The following CACNB2 variants were observed in gnomAD, a reference collection of about 807,000 sequenced individuals.
The protein encoded by CACNB2 is voltage-dependent L-type calcium channel subunit beta-2.
Under a neutral mutation model 73.3 loss-of-function variants are expected in CACNB2, and 42 were observed. The ratio of observed to expected loss-of-function variants is 0.57; its 90% confidence interval spans 0.45 to 0.74. The LOEUF (loss-of-function observed/expected upper bound fraction) is 0.74, where lower values mean the gene tolerates loss of function less well. Ranked by LOEUF, CACNB2 falls within the 30% of genes least tolerant of loss-of-function variation. The pLI, the probability that CACNB2 is intolerant of heterozygous loss-of-function variation, is 0.00. For missense variants in CACNB2, 940 were observed against 853.0 expected, an observed-to-expected ratio of 1.10 and a Z score of -1.27; for synonymous variants, 348 against 310.3, an observed-to-expected ratio of 1.12 and a Z score of -1.28.
intron 2 of CACNB2, among the ~76,000 whole-genome samples, chr10:18,379,569 G>A (rs375669375): frequency 1.1e-4 from 16 of 152,088 alleles, no homozygotes; most frequent in East Asian, 7.8e-4. Context: ...TCACATTGTC[G>A]TACAACCATC....
At chr10:18,486,893 G>A (rs759429474) in intron 3 of CACNB2, among the ~76,000 whole-genome samples, 3 of 152,062 alleles carry the variant, frequency 2.0e-5, no homozygotes, top group South Asian at 2.1e-4. Context: ...AATCGAGGAC[G>A]TGGACGTGGA....
rs185747274 is a variant in CACNB2, at chr10:18,146,546, C to T, written c.121-4337C>T. Reference sequence around the variant, plus strand: ...AGGCTGGAGTGCAGTGGCGTGATCTCGGCTCACTGCAACCTCCACCTCCTG... The same window carrying T: ...AGGCTGGAGTGCAGTGGCGTGATCTTGGCTCACTGCAACCTCCACCTCCTG... On this transcript the variant is annotated intron_variant, in intron 1 of 13. Coordinates refer to ENST00000324631, the MANE Select transcript of CACNB2 (RefSeq NM_201596.3). Among the ~76,000 whole-genome samples the T allele has an allele frequency of 3.6e-3, 543 of 151,646 alleles. 4 individuals carry two copies. The highest frequency in any genetic ancestry group is 5.9e-3 in the Non-Finnish European group (403 of 67,876).
In CACNB2 at chr10:18,290,129, T is replaced by C. The variant is rs1380037498; in HGVS notation, c.214-111795T>C. Among the ~76,000 whole-genome samples, 130 of 137,666 alleles carry C rather than the reference T, an allele frequency of 9.4e-4. 2 individuals are homozygous for C. Among genetic ancestry groups the C allele is most frequent in the Admixed American group, 7.9e-3 (109 of 13,736 alleles). The allele number at this position is 137,666 out of a possible 152,430, so 90.3% of individuals were successfully genotyped here. ...TTCTTTTTCTTTTTTTTTTTTTTTT[T>C]TTTTTTTTTTGCCTCAGCCTCCTAA... is the stretch of plus-strand genomic sequence containing the variant. On this transcript the variant is annotated intron_variant, in intron 2 of 13. Transcript: ENST00000324631.
At position 18,276,769 on chromosome 10, in the gene CACNB2, G is replaced by A. The variant is rs534912303; in HGVS notation, c.214-125155G>A. Among the ~76,000 whole-genome samples, 661 of 152,236 alleles carry A rather than the reference G, an allele frequency of 4.3e-3. 2 individuals carry two copies. Among genetic ancestry groups the A allele is most frequent in the Non-Finnish European group, 5.0e-3 (339 of 68,014 alleles). On this transcript the variant is annotated intron_variant, in intron 2 of 13. Coordinates refer to ENST00000324631, the MANE Select transcript of CACNB2 (RefSeq NM_201596.3). ...AATTTTTGTATTTTTAGTAGAGACA[G>A]GGTTTCGCCATGTTGGCCAGGCTGG...
chr10:18,499,396 T>C (rs2050042062), intron 4 of CACNB2, among the ~76,000 whole-genome samples: 2 of 151,922 alleles, frequency 1.3e-5, no homozygotes, highest in South Asian at 2.1e-4. Context: ...GGTGGGCGGA[T>C]CACAAGGTCA....
chr10:18,520,355 T>A (rs1826703642), intron 9 of CACNB2, among the ~76,000 whole-genome samples: 1 of 151,582 alleles, frequency 6.6e-6, no homozygotes, highest in Admixed American at 6.6e-5. Flanking sequence ...AATGCTGTTG[T>A]CTTTATCTTC....
In CACNB2 at chr10:18,407,109, C is replaced by CTTTTTTTTTTTTTTTTTTT. The variant is rs71507267; in HGVS notation, c.333+5079_333+5097dup. On this transcript the variant is annotated intron_variant, in intron 3 of 13. Transcript: ENST00000324631. ...CTAAAGTCCAGACCTGCTGTTCTGT[C>CTTTTTTTTTTTTTTTTTTT]TTTTTTTTTTTTTTTTTTTTTTTTT... Among the ~76,000 whole-genome samples the CTTTTTTTTTTTTTTTTTTT allele has an allele frequency of 2.8e-3, 98 of 35,614 alleles. 37 individuals are homozygous for CTTTTTTTTTTTTTTTTTTT. The highest frequency in any genetic ancestry group is 0.019 in the Middle Eastern group (1 of 52). 23.4% of individuals were successfully genotyped at this position (35,614 alleles called of 152,430 possible).
In CACNB2 at chr10:18,423,838, C is replaced by T. The variant is rs190313109; in HGVS notation, c.333+21795C>T. Among the ~76,000 whole-genome samples the T allele has an allele frequency of 8.4e-3, 1,276 of 152,160 alleles. 19 individuals are homozygous for T. Among genetic ancestry groups the T allele is most frequent in the African/African-American group, 0.029 (1,223 of 41,520 alleles). On this transcript the variant is annotated intron_variant, in intron 3 of 13. Coordinates refer to ENST00000324631, the MANE Select transcript of CACNB2 (RefSeq NM_201596.3). Reference sequence around the variant, plus strand: ...ATGCAATGACATGACCTCATGATTACTGGAAAGAGTTTTTTCTCTTATTTA... The same window carrying T: ...ATGCAATGACATGACCTCATGATTATTGGAAAGAGTTTTTTCTCTTATTTA...
chr10:18,535,804 T>A (rs1336856951), intron 11 of CACNB2, among the ~76,000 whole-genome samples: 1 of 152,002 alleles, frequency 6.6e-6, no homozygotes, highest in African/African-American at 2.4e-5. Flanking sequence ...TTAACATGTA[T>A]CAGATTTATT....
chr10:18,491,157 T>C (rs1335624266), intron 3 of CACNB2, among the ~76,000 whole-genome samples: 1 of 152,150 alleles, frequency 6.6e-6, no homozygotes, highest in East Asian at 1.9e-4. Context: ...GAAGAAAGAG[T>C]AAATGGCCCA....
chr10:18,262,620 A>G (rs1161177205), intron 2 of CACNB2, among the ~76,000 whole-genome samples: 2 of 152,212 alleles, frequency 1.3e-5, no homozygotes, highest in Non-Finnish European at 2.9e-5. Context: ...TTTTTAGAGT[A>G]TAAGATTAGC....
In CACNB2 at chr10:18,491,552, C is replaced by T. The variant is rs150931771; in HGVS notation, c.334-6803C>T. ...ACAGTGAGCCATGATTGCACCACTT[C>T]GTTCCAGCCTGGGCAACAGAAAGAC... On this transcript the variant is annotated intron_variant, in intron 3 of 13. Transcript: ENST00000324631. Among the ~76,000 whole-genome samples, 30 of 152,228 alleles carry T rather than the reference C, an allele frequency of 2.0e-4. No individual in the cohort carries two copies. The East Asian group carries it at 5.4e-3, about 27-fold the overall frequency.
chr10:18,203,065 G>A (rs559799203), intron 2 of CACNB2, among the ~76,000 whole-genome samples: 2 of 152,238 alleles, frequency 1.3e-5, no homozygotes, highest in East Asian at 3.9e-4. Flanking sequence ...AGACTACAGG[G>A]TCTGAAGCAG....
At chr10:18,431,747 A>G (rs966227117) in intron 3 of CACNB2, among the ~76,000 whole-genome samples, 3 of 145,354 alleles carry the variant, frequency 2.1e-5, no homozygotes, top group Admixed American at 7.0e-5. Flanking sequence ...ATCTTTGTTG[A>G]CCTCATTGAA....
At chr10:18,530,932 A>G (rs2052959173) in intron 10 of CACNB2, among the ~76,000 whole-genome samples, 1 of 152,210 alleles carries the variant, frequency 6.6e-6, no homozygotes, top group Non-Finnish European at 1.5e-5. Context: ...GATATGTGGC[A>G]GTGGGAACAG....
intron 9 of CACNB2, among the ~76,000 whole-genome samples, chr10:18,521,262 C>A (rs2051851131): frequency 6.6e-6 from 1 of 152,224 alleles, no homozygotes; most frequent in South Asian, 2.1e-4. Flanking sequence ...TTAACACCAA[C>A]TTCAGGACAT....
At chr10:18,505,764 A>C (rs931178578) in intron 5 of CACNB2, among the ~76,000 whole-genome samples, 2 of 152,172 alleles carry the variant, frequency 1.3e-5, no homozygotes, top group African/African-American at 4.8e-5. Flanking sequence ...TATTAACTCC[A>C]ATGTTTCTGA....
At chr10:18,386,589 G>C (rs954110991) in intron 2 of CACNB2, among the ~76,000 whole-genome samples, 7 of 151,686 alleles carry the variant, frequency 4.6e-5, no homozygotes, top group Non-Finnish European at 1.0e-4. Context: ...ATTTTTTTTA[G>C]TAGAGACAGG....
intron 2 of CACNB2, among the ~76,000 whole-genome samples, chr10:18,235,344 G>A (rs2036399054): frequency 6.6e-6 from 1 of 151,756 alleles, no homozygotes; most frequent in South Asian, 2.1e-4. Context: ...TGTAGTCTCA[G>A]CTACTCAGGA....
Sources: allele counts gnomAD v4.1 joint callset (sites outside exome capture counted in the v4.1 genomes callset), GRCh38; gene constraint gnomAD v4.1.1; transcripts MANE v1.5; gene names NCBI Gene and HGNC (gene_info 2026-07-23, HGNC 2026-07-21).